LYSMD2: variants seen among roughly 807,000 people sequenced by gnomAD.
The protein encoded by LYSMD2 is lysM and putative peptidoglycan-binding domain-containing protein 2.
LYSMD2 carries 6 observed loss-of-function variants against 17.7 expected under a neutral mutation model. The ratio of observed to expected loss-of-function variants is 0.34; its 90% CI spans 0.19 to 0.67. The LOEUF (loss-of-function observed/expected upper bound fraction) is 0.67, where lower values mean the gene tolerates loss of function less well. Ranked by LOEUF, LYSMD2 falls within the 30% of genes least tolerant of loss-of-function variation. The pLI is 0.69. For missense variants in LYSMD2, 237 were observed against 286.7 expected, an observed-to-expected ratio of 0.83 and a Z score of 1.25; for synonymous variants, 102 against 129.8, an observed-to-expected ratio of 0.79 and a Z score of 1.45.
At chr15:51,748,783 C>G (rs908240825) in intron 1 of LYSMD2, among the ~76,000 whole-genome samples, 2 of 152,102 alleles carry the variant, frequency 1.3e-5, no homozygotes, top group African/African-American at 4.8e-5. Context: ...GAGAGTGTAC[C>G]TCTCAGAGGC....
At chr15:51,739,629 A>C (rs575412281), upstream of LYSMD2, among the ~76,000 whole-genome samples, 37 of 152,102 alleles carry the variant, frequency 2.4e-4, no homozygotes, top group African/African-American at 8.9e-4. Context: ...CATGGCTGGA[A>C]GTTTTAATCT....
intron 1 of LYSMD2, among the ~76,000 whole-genome samples, chr15:51,736,265 G>GC (rs1005466149): frequency 4.1e-4 from 62 of 152,244 alleles, no homozygotes; most frequent in African/African-American, 1.4e-3. Flanking sequence ...CTCAAACCAG[G>GC]CCCCATTAAG....
At chr15:51,736,127 C>G (rs2055607256) in intron 1 of LYSMD2, among the ~76,000 whole-genome samples, 1 of 152,230 alleles carries the variant, frequency 6.6e-6, no homozygotes, top group Non-Finnish European at 1.5e-5. Flanking sequence ...ACACCTACCT[C>G]CTGGGCTTAT....
chr15:51,724,716 A>G, intron 2 of LYSMD2, 74 bp downstream of exon 2: 4 of 906,928 alleles, frequency 4.4e-6, no homozygotes, highest in Non-Finnish European at 6.2e-6. Flanking sequence ...AAGAGAAAAG[A>G]AAGATTTGGC....
intron 1 of LYSMD2, among the ~76,000 whole-genome samples, chr15:51,730,399 C>T (rs191456486): frequency 1.5e-3 from 226 of 152,312 alleles, no homozygotes; most frequent in Admixed American, 3.0e-3. Flanking sequence ...TCCCATAGTT[C>T]CAGCTACTTG....
chr15:51,743,999 A>G (rs2055655367), intron 1 of LYSMD2, among the ~76,000 whole-genome samples: 1 of 151,850 alleles, frequency 6.6e-6, no homozygotes, highest in Non-Finnish European at 1.5e-5. Context: ...TTTGTTCCAG[A>G]GTTTGGATTT....
At chr15:51,748,028 T>C (rs1017596546) in intron 1 of LYSMD2, among the ~76,000 whole-genome samples, 1 of 152,028 alleles carries the variant, frequency 6.6e-6, no homozygotes, top group African/African-American at 2.4e-5. Flanking sequence ...ATCCCAGCAC[T>C]TTGGGAGGCC....
chr15:51,742,708 A>G (rs2055649067), intron 1 of LYSMD2, among the ~76,000 whole-genome samples: 1 of 152,200 alleles, frequency 6.6e-6, no homozygotes, highest in African/African-American at 2.4e-5. Context: ...ATGTAATACC[A>G]GCACTTTAAG....
chr15:51,727,688 C>T (rs182278304), intron 1 of LYSMD2, among the ~76,000 whole-genome samples: 1 of 152,206 alleles, frequency 6.6e-6, no homozygotes, highest in African/African-American at 2.4e-5. Flanking sequence ...AGGGAGTCCA[C>T]AGGCAGTGAA....
At position 51,723,316 on chromosome 15, in the gene LYSMD2, C is replaced by T; in HGVS notation, c.*291G>A. On this transcript the variant is annotated 3_prime_UTR_variant, in exon 3 of 3. Transcript: ENST00000267838. ...CTAAATATATAAATAATCTTTGATGCTTTATGTCAATTAGTATTTATAAAA... is the reference window on the plus strand; with the variant it reads ...CTAAATATATAAATAATCTTTGATGTTTTATGTCAATTAGTATTTATAAAA... The T allele has an allele frequency of 3.4e-6, 1 of 290,396 alleles. No individual in the cohort carries two copies. Among genetic ancestry groups the T allele is most frequent in the South Asian group, 5.3e-5 (1 of 18,874 alleles). 18.0% of individuals were successfully genotyped at this position (290,396 alleles called of 1,614,324 possible). A position where few individuals can be genotyped will look rare whatever the true frequency, so the allele number is the denominator to read the frequency against.
intron 1 of LYSMD2, among the ~76,000 whole-genome samples, chr15:51,734,761 T>C (rs2055598109): frequency 6.6e-6 from 1 of 152,246 alleles, no homozygotes; most frequent in Non-Finnish European, 1.5e-5. Context: ...TAGATGGTCT[T>C]GCCAGTCAAC....
At chr15:51,751,067 G>C (rs2141606678) in intron 1 of LYSMD2, among the ~76,000 whole-genome samples, 1 of 152,348 alleles carries the variant, frequency 6.6e-6, no homozygotes, top group Non-Finnish European at 1.5e-5. Context: ...AGGACGCGAA[G>C]GCTCAGACAG....
rs576198197 is a variant in LYSMD2, at chr15:51,736,318, C to T, written c.273+1032G>A. ...GCTCTATGTTCACATGTATAGAACT[C>T]CCAAGAGGGCAGAATGGGGCTCTCC... is the stretch of plus-strand genomic sequence containing the variant. On this transcript the variant is annotated intron_variant, in intron 1 of 2. Transcript: ENST00000267838. 1.6e-4 allele frequency among the ~76,000 whole-genome samples: 24 copies of T among 152,268 alleles called. No homozygotes were observed. In the East Asian group the frequency reaches 4.6e-3, roughly 29 times the overall value.
At chr15:51,725,212 G>A in intron 1 of LYSMD2, 91 bp from the exon 2 acceptor site, 1 of 776,702 alleles carries the variant, frequency 1.3e-6, no homozygotes, top group Admixed American at 3.1e-5. Context: ...ATATTCATAA[G>A]CAAAATGTAC....
chr15:51,731,822 A>C (rs2141595665), intron 1 of LYSMD2, among the ~76,000 whole-genome samples: 1 of 152,264 alleles, frequency 6.6e-6, no homozygotes, highest in Non-Finnish European at 1.5e-5. Flanking sequence ...ACTCTAACTG[A>C]GAGGAGCCAG....
At position 51,737,324 on chromosome 15, in the gene LYSMD2, G is replaced by A. The variant is rs947814554; in HGVS notation, c.273+26C>T. On this transcript the variant is annotated intron_variant, in intron 1 of 2. Transcript: ENST00000267838. The surrounding 1 kb of genome is among the most constrained non-coding windows in gnomAD (Gnocchi z 4.2). ...CCTCCTGCGCGGTAGCTGCCAGCCC[G>A]GGCCGCGGCGGCGCGCCCTGCTCAC... 3 of 1,115,960 alleles carry A rather than the reference G, an allele frequency of 2.7e-6. No individual in the cohort carries two copies. The highest frequency in any genetic ancestry group is 1.8e-5 in the African/African-American group (1 of 55,564). 69.1% of individuals were successfully genotyped at this position (1,115,960 alleles called of 1,614,324 possible). A position where few individuals can be genotyped will look rare whatever the true frequency, so the allele number is the denominator to read the frequency against.
At chr15:51,728,394 A>T (rs73405347) in intron 1 of LYSMD2, among the ~76,000 whole-genome samples, 8,765 of 113,424 alleles carry the variant, frequency 0.077, 294 homozygotes, top group East Asian at 0.1. Context: ...ACTCCAGGAG[A>T]AAACACACAC....
upstream of LYSMD2, among the ~76,000 whole-genome samples, chr15:51,741,613 A>G (rs148725647): frequency 6.6e-6 from 1 of 152,208 alleles, no homozygotes; most frequent in Non-Finnish European, 1.5e-5. Context: ...TTAAGCTTAC[A>G]ATTCAGTAAC....
intron 1 of LYSMD2, among the ~76,000 whole-genome samples, chr15:51,735,315 T>C (rs1181995205): frequency 6.6e-6 from 1 of 152,122 alleles, no homozygotes; most frequent in Non-Finnish European, 1.5e-5. Flanking sequence ...CCCAAAGTAA[T>C]GAGAAATACA....
Sources: gnomAD v4.1 joint callset for allele counts (sites outside exome capture counted in the v4.1 genomes callset) on GRCh38, gnomAD v4.1.1 for gene constraint, Gnocchi (gnomAD v3.1) non-coding constraint, MANE v1.5 for transcripts, NCBI Gene and HGNC (gene_info 2026-07-23, HGNC 2026-07-21) for gene names.